The following DCC variants were observed in gnomAD, a reference collection of about 807,000 sequenced individuals.
DCC encodes the protein netrin receptor DCC.
DCC carries 58 observed loss-of-function variants against 172.5 expected under a neutral mutation model. That is an observed-to-expected ratio of 0.34 (90% CI 0.27 to 0.42). DCC has a LOEUF of 0.42. Among genes scored for constraint, DCC ranks in the 10% least tolerant of loss-of-function variants. The probability of loss-of-function intolerance (pLI) is 1.00; values close to 1 mark genes in which losing one functional copy is unlikely to be tolerated. For synonymous variants in DCC, 709 were observed against 644.5 expected (o/e 1.10, Z -1.52); for missense variants, 1,740 against 1,791.0 (o/e 0.97, Z 0.51).
intron 14 of DCC, among the ~76,000 whole-genome samples, chr18:53,330,497 G>C (rs1266565555): frequency 6.6e-6 from 1 of 152,120 alleles, no homozygotes; most frequent in African/African-American, 2.4e-5. Context: ...CCTCAGGTTT[G>C]CTATTTTTCT....
intron 25 of DCC, among the ~76,000 whole-genome samples, chr18:53,480,165 G>T (rs546758134): frequency 1.1e-4 from 17 of 152,258 alleles, no homozygotes; most frequent in South Asian, 6.2e-4. Context: ...AGCTGAAAAG[G>T]TCCAGATAGA....
chr18:53,247,152 C>T (rs1377681834), intron 12 of DCC, among the ~76,000 whole-genome samples: 1 of 151,984 alleles, frequency 6.6e-6, no homozygotes. Flanking sequence ...AAGAGGACAA[C>T]CTTAGATTAC....
intron 1 of DCC, among the ~76,000 whole-genome samples, chr18:52,721,888 G>A (rs1013449438): frequency 2.0e-5 from 3 of 152,140 alleles, no homozygotes; most frequent in African/African-American, 7.2e-5. Context: ...AGCCGGGCAT[G>A]GTGGCAGGCA....
chr18:52,612,205 T>C (rs1229039649), intron 1 of DCC, among the ~76,000 whole-genome samples: 1 of 152,186 alleles, frequency 6.6e-6, no homozygotes, highest in Non-Finnish European at 1.5e-5. Flanking sequence ...CTTCCTGCTC[T>C]AGTGTCTTTG....
chr18:52,793,518 T>A (rs962072328), intron 2 of DCC, among the ~76,000 whole-genome samples: 2 of 152,232 alleles, frequency 1.3e-5, no homozygotes, highest in Admixed American at 1.3e-4. Flanking sequence ...TTGTTTCAGT[T>A]CTTTGTATAT....
At chr18:52,563,544 T>A (rs1344642069) in intron 1 of DCC, among the ~76,000 whole-genome samples, 1 of 152,180 alleles carries the variant, frequency 6.6e-6, no homozygotes, top group Non-Finnish European at 1.5e-5. Context: ...TCTTTTGACA[T>A]AAAGTTTTGG....
In DCC at chr18:52,577,162, CTATTTA is replaced by C. The variant is rs142501364; in HGVS notation, c.92-174886_92-174881del. On this transcript the variant is annotated intron_variant, in intron 1 of 28. Transcript: ENST00000442544. ...AGTTGTTTAGAATATGTGTAACTTC[CTATTTA>C]TATTTCCATTAACAGCAAATGGCAG... is the stretch of plus-strand genomic sequence containing the variant. Among the ~76,000 whole-genome samples the C allele has an allele frequency of 9.8e-3, 1,488 of 152,296 alleles. 14 individuals are homozygous for C. The highest frequency in any genetic ancestry group is 0.017 in the Non-Finnish European group (1,138 of 68,018).
chr18:52,911,770 G>A (rs1367037246), intron 3 of DCC, among the ~76,000 whole-genome samples: 4 of 151,130 alleles, frequency 2.6e-5, no homozygotes, highest in African/African-American at 9.7e-5. Context: ...CTCATACTGT[G>A]TTTTCTTTTA....
chr18:52,935,649 C>T (rs2145511578), intron 5 of DCC, among the ~76,000 whole-genome samples: 1 of 152,096 alleles, frequency 6.6e-6, no homozygotes, highest in East Asian at 1.9e-4. Flanking sequence ...CCAAATTTTA[C>T]CTATCCATTT....
intron 2 of DCC, among the ~76,000 whole-genome samples, chr18:52,896,119 CT>C (rs2039725884): frequency 6.6e-6 from 1 of 152,114 alleles, no homozygotes; most frequent in South Asian, 2.1e-4. Context: ...TTTCAAATCA[CT>C]TTACTGAGGT....
intron 7 of DCC, among the ~76,000 whole-genome samples, chr18:53,076,462 A>C (rs984435371): frequency 6.6e-6 from 1 of 152,130 alleles, no homozygotes; most frequent in Non-Finnish European, 1.5e-5. Flanking sequence ...TGGCTCCTTA[A>C]TTCCACCTCT....
intron 8 of DCC, among the ~76,000 whole-genome samples, chr18:53,166,107 T>C (rs540079068): frequency 7.2e-5 from 11 of 152,170 alleles, no homozygotes; most frequent in African/African-American, 2.7e-4. Context: ...TTTGTAGATA[T>C]TTAGGGGGCA....
intron 7 of DCC, among the ~76,000 whole-genome samples, chr18:53,084,986 A>T (rs192441237): frequency 3.3e-5 from 5 of 152,336 alleles, no homozygotes; most frequent in Admixed American, 3.3e-4. Flanking sequence ...TTTCACAAGA[A>T]GAATTTTGGA....
chr18:53,417,252 C>T (rs553077392), intron 21 of DCC, among the ~76,000 whole-genome samples: 1 of 152,294 alleles, frequency 6.6e-6, no homozygotes, highest in Admixed American at 6.5e-5. Context: ...TTCAGTGGTC[C>T]TGTGTTTACA....
At chr18:52,790,923 C>T (rs1436118616) in intron 2 of DCC, among the ~76,000 whole-genome samples, 1 of 152,132 alleles carries the variant, frequency 6.6e-6, no homozygotes, top group Non-Finnish European at 1.5e-5. Flanking sequence ...CCTAAGTCTC[C>T]CTTTACTTGC....
intron 1 of DCC, among the ~76,000 whole-genome samples, chr18:52,737,528 T>C (rs1365025270): frequency 6.6e-6 from 1 of 152,144 alleles, no homozygotes; most frequent in Non-Finnish European, 1.5e-5. Flanking sequence ...CAGGATGATA[T>C]GAAAATGGCA....
chr18:53,091,861 A>ATC (rs772452207), intron 7 of DCC, among the ~76,000 whole-genome samples: 7,540 of 62,776 alleles, frequency 0.12, 266 homozygotes, highest in East Asian at 0.45. Flanking sequence ...CAATCTATCT[A>ATC]TATATATATA....
At chr18:52,575,784 A>G (rs1468521749) in intron 1 of DCC, among the ~76,000 whole-genome samples, 1 of 152,230 alleles carries the variant, frequency 6.6e-6, no homozygotes, top group African/African-American at 2.4e-5. Flanking sequence ...GGTATAACTT[A>G]GGGATATAAA....
intron 3 of DCC, among the ~76,000 whole-genome samples, chr18:52,907,283 TG>T (rs1333162748): frequency 9.1e-6 from 1 of 109,432 alleles, no homozygotes; most frequent in East Asian, 2.4e-4. Context: ...TGATATGTCA[TG>T]GATATATACA....
Sources: gnomAD v4.1 joint callset for allele counts (sites outside exome capture counted in the v4.1 genomes callset) on GRCh38, gnomAD v4.1.1 for gene constraint, MANE v1.5 for transcripts, NCBI Gene and HGNC (gene_info 2026-07-23, HGNC 2026-07-21) for gene names.